Variants in GAS2 observed in about 807,000 individuals in gnomAD.
GAS2 encodes the protein growth arrest-specific protein 2.
In GAS2, 20 loss-of-function variants were observed where a neutral mutation model predicts 37.5. The observed-to-expected ratio is 0.53, with a 90% CI of 0.37 to 0.77. The LOEUF is 0.77. Ranked by LOEUF, GAS2 falls within the 30% of genes least tolerant of loss-of-function variation. The pLI, the probability that GAS2 is intolerant of heterozygous loss-of-function variation, is 0.00. For synonymous variants in GAS2, 144 were observed against 132.2 expected, an observed-to-expected ratio of 1.09 and a Z score of -0.61; for missense variants, 336 against 373.4, an observed-to-expected ratio of 0.90 and a Z score of 0.82.
At chr11:22,727,903 A>T (rs971771216) in intron 4 of GAS2, among the ~76,000 whole-genome samples, 1 of 152,046 alleles carries the variant, frequency 6.6e-6, no homozygotes, top group Non-Finnish European at 1.5e-5. Context: ...ACAATTAAAT[A>T]AAATTGCTTA....
At chr11:22,805,275 T>C (rs1856832468) in intron 7 of GAS2, among the ~76,000 whole-genome samples, 1 of 152,176 alleles carries the variant, frequency 6.6e-6, no homozygotes, top group Non-Finnish European at 1.5e-5. Context: ...TCATCATGTA[T>C]AACGTAAAGT....
chr11:22,717,237 G>A lies in GAS2; in HGVS notation c.268-9055G>A, dbSNP rs149466695. On this transcript the variant is annotated intron_variant, in intron 3 of 7. Transcript: ENST00000454584. ...CAAATCCGATGGCATCACATTACCCGATTTCAAATATTCTGTAAGGATATA... is the reference window on the plus strand; with the variant it reads ...CAAATCCGATGGCATCACATTACCCAATTTCAAATATTCTGTAAGGATATA... Among the ~76,000 whole-genome samples the A allele has an allele frequency of 5.7e-4, 87 of 152,180 alleles. 1 individual carries two copies. In the East Asian group the frequency reaches 0.016, roughly 27 times the overall value.
chr11:22,778,103 C>T (rs371297708), intron 7 of GAS2, among the ~76,000 whole-genome samples: 1 of 152,132 alleles, frequency 6.6e-6, no homozygotes, highest in African/African-American at 2.4e-5. Flanking sequence ...ACAAATTACT[C>T]CTCCCCTAGA....
rs1218613265 is a variant in GAS2 at position 22,706,650 on chromosome 11, C to G, written c.268-19642C>G. Among the ~76,000 whole-genome samples the G allele has an allele frequency of 2.6e-5, 4 of 152,314 alleles. No individual in the cohort carries two copies. In the South Asian group the frequency reaches 8.3e-4, roughly 32 times the overall value. On this transcript the variant is annotated intron_variant, in intron 3 of 7. Transcript: ENST00000454584. ...GTTTCCAATTTCATCCATGTCCCTA[C>G]AAAGGACATGAACTCATCATTTTTT...
At chr11:22,629,658 G>GT (rs975397916) in intron 1 of GAS2, among the ~76,000 whole-genome samples, 44 of 150,778 alleles carry the variant, frequency 2.9e-4, no homozygotes, top group Middle Eastern at 3.4e-3. Context: ...GGGATTATTG[G>GT]TTTTTTTTTC....
intron 7 of GAS2, among the ~76,000 whole-genome samples, chr11:22,786,445 C>T (rs1189511049): frequency 2.6e-5 from 4 of 152,108 alleles, no homozygotes; most frequent in African/African-American, 9.7e-5. Context: ...GATAGATAAG[C>T]GTTTATCCAC....
intron 5 of GAS2, 132 bp downstream of exon 5, chr11:22,737,900 T>G: frequency 1.3e-6 from 1 of 783,842 alleles, no homozygotes; most frequent in Non-Finnish European, 2.2e-6. Flanking sequence ...GATGATAATA[T>G]GAACTTCTTG....
chr11:22,769,936 C>T (rs2009228), intron 7 of GAS2, among the ~76,000 whole-genome samples: 64,002 of 151,940 alleles, frequency 0.42, 13,504 homozygotes, highest in East Asian at 0.57. Flanking sequence ...GCCATGGAAA[C>T]GAATGGTAGG....
chr11:22,782,499 AAC>A (rs1212056003), intron 7 of GAS2, among the ~76,000 whole-genome samples: 1 of 152,030 alleles, frequency 6.6e-6, no homozygotes, highest in Non-Finnish European at 1.5e-5. Context: ...GTATGACTTG[AAC>A]CCATCATCCA....
chr11:22,653,935 C>G (rs1848827017), intron 1 of GAS2, among the ~76,000 whole-genome samples: 1 of 152,178 alleles, frequency 6.6e-6, no homozygotes, highest in African/African-American at 2.4e-5. Context: ...CTCTGGGAAC[C>G]CAGCCTCTAT....
At chr11:22,662,035 G>A (rs1848922549), upstream of GAS2, among the ~76,000 whole-genome samples, 1 of 152,146 alleles carries the variant, frequency 6.6e-6, no homozygotes. Flanking sequence ...TTGTGTCTAA[G>A]TGTTCTATGT....
intron 1 of GAS2, among the ~76,000 whole-genome samples, chr11:22,650,921 T>C (rs1229736316): frequency 6.6e-6 from 1 of 151,458 alleles, no homozygotes; most frequent in Non-Finnish European, 1.5e-5. Flanking sequence ...CATTTACATT[T>C]AAAGTTAATA....
At chr11:22,731,410 G>A (rs1020315233) in intron 4 of GAS2, 51 of 423,122 alleles carry the variant, frequency 1.2e-4, no homozygotes, top group South Asian at 7.0e-4. Context: ...TGCTATCTGC[G>A]GTGTAGCATG....
At chr11:22,666,386 T>C (rs906135775), upstream of GAS2, among the ~76,000 whole-genome samples, 1 of 152,216 alleles carries the variant, frequency 6.6e-6, no homozygotes, top group Non-Finnish European at 1.5e-5. Flanking sequence ...CAACACCCAA[T>C]TTTAATATTG....
At chr11:22,651,895 A>G (rs573852856) in intron 1 of GAS2, among the ~76,000 whole-genome samples, 5 of 152,124 alleles carry the variant, frequency 3.3e-5, no homozygotes, top group Non-Finnish European at 4.4e-5. Flanking sequence ...TAATTTGATC[A>G]TCTGAAGCCT....
At chr11:22,760,991 G>T (rs1406471668) in intron 7 of GAS2, among the ~76,000 whole-genome samples, 1 of 152,102 alleles carries the variant, frequency 6.6e-6, no homozygotes, top group African/African-American at 2.4e-5. Context: ...GTATTATTTA[G>T]ACTACAGAGA....
chr11:22,717,643 G>T (rs937052558), intron 3 of GAS2, among the ~76,000 whole-genome samples: 2 of 152,010 alleles, frequency 1.3e-5, no homozygotes, highest in African/African-American at 4.8e-5. Context: ...TAACTAAAAA[G>T]CTCCTTCACA....
At chr11:22,781,416 G>A (rs1294899658) in intron 7 of GAS2, among the ~76,000 whole-genome samples, 3 of 152,176 alleles carry the variant, frequency 2.0e-5, no homozygotes, top group Admixed American at 2.0e-4. Flanking sequence ...GGTCATGTAT[G>A]AGTGCAGCTG....
intron 7 of GAS2, among the ~76,000 whole-genome samples, chr11:22,804,802 A>G (rs953492109): frequency 6.6e-6 from 1 of 152,124 alleles, no homozygotes; most frequent in East Asian, 1.9e-4. Flanking sequence ...GGGTGGGGAC[A>G]AGTAGTGTGT....
Sources: gnomAD v4.1 joint callset for allele counts (sites outside exome capture counted in the v4.1 genomes callset) on GRCh38, gnomAD v4.1.1 for gene constraint, MANE v1.5 for transcripts, NCBI Gene and HGNC (gene_info 2026-07-23, HGNC 2026-07-21) for gene names.